Variants in ACE observed in about 807,000 individuals in gnomAD.
ACE encodes the protein angiotensin I converting enzyme, also known as angiotensin-converting enzyme.
In ACE, 122 loss-of-function variants were observed where a neutral mutation model predicts 162.3. The ratio of observed to expected loss-of-function variants is 0.75; its 90% CI spans 0.65 to 0.87. The LOEUF (loss-of-function observed/expected upper bound fraction) is 0.87. ACE is among the 40% of genes least tolerant of loss of function. The pLI, the probability that ACE is intolerant of heterozygous loss-of-function variation, is 0.00. For synonymous variants in ACE, 796 were observed against 720.6 expected (o/e 1.10, Z -1.68); for missense variants, 1,799 against 1,735.1 (o/e 1.04, Z -0.65).
Position 63,493,646 on chromosome 17 carries a change from G to A in ACE, c.3123G>A (p.Glu1041=), listed in dbSNP as rs771342124. The change falls in exon 20 of 25, where the codon GAG becomes GAA. Residue 1041 remains glutamate (E), a synonymous_variant. Transcript: ENST00000290866. Reference sequence around the variant, plus strand: ...ACAGTCTCAACCTGCTGAGCAGTGAGGGTGGCAGCGACGGTGAGAGAGAAG... The same window carrying A: ...ACAGTCTCAACCTGCTGAGCAGTGAAGGTGGCAGCGACGGTGAGAGAGAAG... ...HLHSLNLLSS[E]GGSDEHDINF... The A allele has an allele frequency of 1.2e-6, 2 of 1,614,130 alleles. No individual in the cohort carries two copies. The highest frequency in any genetic ancestry group is 1.7e-5 in the Admixed American group (1 of 60,020).
chr17:63,477,168 A>T lies in ACE; in HGVS notation c.74A>T (p.Gln25Leu), dbSNP rs968327653. The T allele has an allele frequency of 2.7e-5, 40 of 1,455,970 alleles. No individual in the cohort carries two copies. The highest frequency in any genetic ancestry group is 3.5e-5 in the Non-Finnish European group (39 of 1,106,532). The allele number at this position is 1,455,970 out of a possible 1,614,324, so 90.2% of individuals were successfully genotyped here. ...CCGCTGCTGTTGCTGCTGCCGCCGC[A>T]GCCCGCCCTGGCGTTGGACCCCGGG... is the stretch of plus-strand genomic sequence containing the variant. ...PLPLLLLLPP[Q>L]PALALDPGLQ... is the part of the protein sequence containing the mutation. The change falls in exon 1 of 25, where the codon CAG (glutamine) becomes CTG (leucine). Residue 25 changes from glutamine (Q) to leucine (L), a missense_variant. Coordinates refer to ENST00000290866, the MANE Select transcript of ACE (RefSeq NM_000789.4).
rs989791368 is a variant in ACE, at chr17:63,489,060, C to A, written c.2569C>A (p.Arg857Ser). ...PLYLNLHAYV[R>S]RALHRHYGAQ... ...CTACCTCAACCTGCATGCCTACGTG[C>A]GCCGGGCCCTGCACCGTCACTACGG... Residue 857 changes from arginine to serine, a missense_variant, in exon 17 of 25, where the codon CGC becomes AGC. Physicochemically the swap from Arg to Ser is moderately radical, Grantham distance 110 (BLOSUM62 -1). Coordinates refer to ENST00000290866, the MANE Select transcript of ACE (RefSeq NM_000789.4). 1 of 1,614,044 alleles carries A rather than the reference C, an allele frequency of 6.2e-7. No homozygotes were observed.
chr17:63,481,509 G>A, intron 6 of ACE, 57 bp from the exon 7 acceptor site: 1 of 1,600,718 alleles, frequency 6.2e-7, no homozygotes, highest in Non-Finnish European at 8.5e-7. Flanking sequence ...CCCCAGCCCT[G>A]TCCCCAGGCC....
Position 63,477,144 on chromosome 17 carries a change from CGCT to C in ACE, c.55_57del (p.Leu22del). On this transcript the variant is annotated inframe_deletion, in exon 1 of 25. Transcript: ENST00000290866. ...GGGCCGGGGCTGCTGCTGCCGCTGC[CGCT>C]GCTGTTGCTGCTGCCGCCGCAGCCC... 7.0e-7 allele frequency: 1 copy of C among 1,438,558 alleles called. No individual in the cohort carries two copies. The highest frequency in any genetic ancestry group is 9.1e-7 in the Non-Finnish European group (1 of 1,095,900). The allele number at this position is 1,438,558 out of a possible 1,614,324, so 89.1% of individuals were successfully genotyped here.
At position 63,481,620 on chromosome 17, in the gene ACE, G is replaced by C. The variant is rs1336871330; in HGVS notation, c.1000G>C (p.Glu334Gln). ...GGCAGAGGAGTTCTTCACCTCCCTGGAGCTCTCCCCCATGCCTCCCGAGTT... is the reference window on the plus strand; with the variant it reads ...GGCAGAGGAGTTCTTCACCTCCCTGCAGCTCTCCCCCATGCCTCCCGAGTT... ...RVAEEFFTSL[E>Q]LSPMPPEFWE... Residue 334 changes from glutamate to glutamine, a missense_variant, in exon 7 of 25, where the codon GAG becomes CAG. Physicochemically the swap from Glu to Gln is conservative, Grantham distance 29. Coordinates refer to ENST00000290866, the MANE Select transcript of ACE (RefSeq NM_000789.4). The C allele has an allele frequency of 1.2e-6, 2 of 1,613,956 alleles. No homozygotes were observed. Among genetic ancestry groups the C allele is most frequent in the Non-Finnish European group, 1.7e-6 (2 of 1,180,030 alleles).
chr17:63,483,284 C>T (rs995518424), intron 9 of ACE, 111 bp downstream of exon 9: 1 of 1,576,250 alleles, frequency 6.3e-7, no homozygotes, highest in African/African-American at 1.3e-5. Flanking sequence ...TAATGATGTC[C>T]CCCGCTGTGA....
chr17:63,486,178 C>T (rs2029922145), intron 13 of ACE: 2 of 333,890 alleles, frequency 6.0e-6, no homozygotes. Context: ...TCATCTTTTT[C>T]TCAACAGCCT....
Position 63,484,565 on chromosome 17 carries a change from G to A in ACE, c.1921+24G>A, listed in dbSNP as rs747287326. On this transcript the variant is annotated intron_variant, in intron 12 of 24. Coordinates refer to ENST00000290866, the MANE Select transcript of ACE (RefSeq NM_000789.4). This position sits in a 1 kb window ranked among gnomAD's most constrained non-coding sequence, Gnocchi z 4.0. ...AGGTAAAGCCCTGAGTGAGGATGGT[G>A]TGGGGCTAAGGTGGGTCCTCAACTC... 2 of 1,599,770 alleles carry A rather than the reference G, an allele frequency of 1.3e-6. No homozygotes were observed. The highest frequency in any genetic ancestry group is 1.1e-5 in the South Asian group (1 of 89,110).
At chr17:63,481,223 T>A in intron 6 of ACE, 35 bp downstream of exon 6, 32 of 529,388 alleles carry the variant, frequency 6.0e-5, no homozygotes, top group Non-Finnish European at 1.2e-4. Flanking sequence ...GTGGTGGGGG[T>A]CGGGGGTGGG....
intron 10 of ACE, 38 bp downstream of exon 10, chr17:63,483,596 C>A: frequency 7.2e-7 from 1 of 1,383,978 alleles, no homozygotes; most frequent in Non-Finnish European, 9.8e-7. Flanking sequence ...CCAGTACTGT[C>A]ACACCCTCAA....
intron 14 of ACE, 75 bp from the exon 15 acceptor site, chr17:63,486,911 G>A: frequency 6.6e-7 from 1 of 1,509,476 alleles, no homozygotes; most frequent in Non-Finnish European, 9.2e-7. Context: ...AGCCCATGGG[G>A]CCTGGGGGTA....
rs752407759 is a variant in ACE, at chr17:63,477,241, C to A, written c.147C>A (p.Phe49Leu). ...FSADEAGAQL[F>L]AQSYNSSAEQ... ...CTGACGAGGCCGGGGCGCAGCTCTT[C>A]GCGCAGAGCTACAACTCCAGCGCCG... The change falls in exon 1 of 25, where the codon TTC becomes TTA. Residue 49 changes from phenylalanine to leucine, a missense_variant. Coordinates refer to ENST00000290866, the MANE Select transcript of ACE (RefSeq NM_000789.4). 29 of 1,503,706 alleles carry A rather than the reference C, an allele frequency of 1.9e-5. 1 individual carries two copies. The South Asian group carries it at 3.5e-4, about 18-fold the overall frequency. 93.1% of individuals were successfully genotyped at this position (1,503,706 alleles called of 1,614,324 possible). A position where few individuals can be genotyped will look rare whatever the true frequency, so the allele number is the denominator to read the frequency against.
chr17:63,488,714 G>A lies in ACE; in HGVS notation c.2372G>A (p.Arg791Gln), dbSNP rs755385604. 4.3e-6 allele frequency: 7 copies of A among 1,613,574 alleles called. No individual in the cohort carries two copies. The East Asian group carries it at 6.7e-5, about 15-fold the overall frequency. ...EDLLWAWEGW[R>Q]DKAGRAILQF... ...CTGTTATGGGCATGGGAGGGCTGGC[G>A]AGACAAGGCGGGGAGAGCCATCCTC... Residue 791 changes from arginine to glutamine, a missense_variant, in exon 16 of 25, where the codon CGA becomes CAA. Physicochemically the swap from Arg to Gln is conservative, Grantham distance 43. Transcript: ENST00000290866.
At position 63,484,368 on chromosome 17, in the gene ACE, A is replaced by T; in HGVS notation, c.1748A>T (p.Glu583Val). 1 of 1,611,536 alleles carries T rather than the reference A, an allele frequency of 6.2e-7. No homozygotes were observed. The highest frequency in any genetic ancestry group is 1.3e-5 in the African/African-American group (1 of 75,004). The change falls in exon 12 of 25, where the codon GAG (glutamate) becomes GTG (valine). Residue 583 changes from glutamate to valine, a missense_variant. Coordinates refer to ENST00000290866, the MANE Select transcript of ACE (RefSeq NM_000789.4). This position sits in a 1 kb window ranked among gnomAD's most constrained non-coding sequence, Gnocchi z 4.0. ...GCTGGCTCCTCCAGGCCCTGGCAGG[A>T]GGTGCTGAAGGACATGGTCGGCTTA... ...LQAGSSRPWQ[E>V]VLKDMVGLDA... is the part of the protein sequence containing the mutation.
At position 63,497,324 on chromosome 17, in the gene ACE, C is replaced by A. The variant is rs1013454628; in HGVS notation, c.3879C>A (p.His1293Gln). The stretch of plus-strand genomic sequence containing the variant: ...ACCGCAGCCTCCACCGGCACTCCCA[C>A]GGGCCCCAGTTCGGCTCCGAGGTGG... ...IRHRSLHRHS[H>Q]GPQFGSEVEL... Residue 1293 changes from histidine (H) to glutamine (Q), a missense_variant, in exon 25 of 25, where the codon CAC (histidine) becomes CAA (glutamine). Transcript: ENST00000290866. 7 of 1,549,106 alleles carry A rather than the reference C, an allele frequency of 4.5e-6. No homozygotes were observed. The highest frequency in any genetic ancestry group is 5.2e-6 in the Non-Finnish European group (6 of 1,147,326).
intron 2 of ACE, chr17:63,478,492 C>A: frequency 3.3e-6 from 1 of 306,350 alleles, no homozygotes; most frequent in South Asian, 3.3e-5. Context: ...ATGGCAAAAC[C>A]TCGTCTCTAC....
In ACE at chr17:63,497,332, A is replaced by G. The variant is rs4981; in HGVS notation, c.3887A>G (p.Gln1296Arg). ...CTCCACCGGCACTCCCACGGGCCCC[A>G]GTTCGGCTCCGAGGTGGAGCTGAGA... The part of the protein sequence containing the change: ...RSLHRHSHGP[Q>R]FGSEVELRHS The change falls in exon 25 of 25, where the codon CAG becomes CGG. Residue 1296 changes from glutamine (Q) to arginine (R), a missense_variant. By Grantham distance (43) the Gln-to-Arg change is conservative. Coordinates refer to ENST00000290866, the MANE Select transcript of ACE (RefSeq NM_000789.4). 2 of 1,548,732 alleles carry G rather than the reference A, an allele frequency of 1.3e-6. No homozygotes were observed. The highest frequency in any genetic ancestry group is 1.7e-6 in the Non-Finnish European group (2 of 1,147,114).
At chr17:63,479,973 A>G (rs889379626) in intron 4 of ACE, 61 bp downstream of exon 4, 3 of 1,557,652 alleles carry the variant, frequency 1.9e-6, no homozygotes, top group Admixed American at 1.9e-5. Flanking sequence ...CTGTCTCCCC[A>G]GAGTCCCAGC....
chr17:63,483,567 G>GCGGGGCCCCCCCCCCC lies in ACE; in HGVS notation c.1586+10_1586+11insGGGGCCCCCCCCCCCC. The GCGGGGCCCCCCCCCCC allele has an allele frequency of 6.3e-7, 1 of 1,589,558 alleles. No individual in the cohort carries two copies. The highest frequency in any genetic ancestry group is 8.6e-7 in the Non-Finnish European group (1 of 1,165,672). ...GTGACACCATACATCAGGTATTAGC[G>GCGGGGCCCCCCCCCCC]CCCCCACCCCACCCACCCCCAGTAC... On this transcript the variant is annotated intron_variant, in intron 10 of 24. Transcript: ENST00000290866.
Sources: allele counts gnomAD v4.1 joint callset, GRCh38; gene constraint gnomAD v4.1.1; non-coding constraint Gnocchi (gnomAD v3.1); transcripts MANE v1.5; gene names NCBI Gene and HGNC (gene_info 2026-07-23, HGNC 2026-07-21).